The following RIMS4 variants were observed in gnomAD, a reference collection of about 807,000 sequenced individuals.
The protein encoded by RIMS4 is regulating synaptic membrane exocytosis 4.
In RIMS4, 9 loss-of-function variants were observed where a neutral mutation model predicts 29.0. The observed-to-expected ratio is 0.31, with a 90% CI of 0.19 to 0.54. RIMS4 has a LOEUF of 0.54. RIMS4 is among the 20% of genes least tolerant of loss of function. The pLI is 0.94. For synonymous variants in RIMS4, 130 were observed against 152.9 expected, an observed-to-expected ratio of 0.85 and a Z score of 1.10; for missense variants, 193 against 365.7, an observed-to-expected ratio of 0.53 and a Z score of 3.85.
chr20:44,768,279 A>T (rs910531733), intron 2 of RIMS4, among the ~76,000 whole-genome samples: 3 of 152,204 alleles, frequency 2.0e-5, no homozygotes, highest in African/African-American at 7.2e-5. Flanking sequence ...TAAGTGCTCA[A>T]TCACATCTGC....
At chr20:44,760,900 A>G (rs2066081771) in intron 2 of RIMS4, among the ~76,000 whole-genome samples, 8 of 152,172 alleles carry the variant, frequency 5.3e-5, no homozygotes, top group Admixed American at 5.2e-4. Context: ...TTAGTAATAA[A>G]TAAGTAGAGA....
At chr20:44,789,291 T>A (rs2066222370) in intron 1 of RIMS4, among the ~76,000 whole-genome samples, 1 of 152,120 alleles carries the variant, frequency 6.6e-6, no homozygotes, top group Admixed American at 6.5e-5. Flanking sequence ...GTATGAGAAT[T>A]TCTTTTTATT....
chr20:44,782,196 T>G (rs1410977556), intron 1 of RIMS4, among the ~76,000 whole-genome samples: 1 of 152,224 alleles, frequency 6.6e-6, no homozygotes, highest in Non-Finnish European at 1.5e-5. Flanking sequence ...AAGCTCTTAT[T>G]AGGTTATGCT....
chr20:44,777,482 C>G (rs2066165174), intron 1 of RIMS4, among the ~76,000 whole-genome samples: 1 of 152,086 alleles, frequency 6.6e-6, no homozygotes, highest in Non-Finnish European at 1.5e-5. Context: ...TTAACCCCAC[C>G]ATAACACTGA....
Position 44,756,408 on chromosome 20 carries a change from G to C in RIMS4, c.592-56C>G. 9 of 1,498,110 alleles carry C rather than the reference G, an allele frequency of 6.0e-6. No individual in the cohort carries two copies. Among genetic ancestry groups the C allele is most frequent in the Non-Finnish European group, 8.3e-6 (9 of 1,089,716 alleles). The allele number at this position is 1,498,110 out of a possible 1,614,324, so 92.8% of individuals were successfully genotyped here. ...CCTGCCAGTGCCACTCACAGGCCCA[G>C]AAGCAGAACCTGGGTCGCCCCATGC... On this transcript the variant is annotated intron_variant, in intron 5 of 5. Coordinates refer to ENST00000372851, the MANE Select transcript of RIMS4 (RefSeq NM_182970.4). The surrounding 1 kb of genome is among the most constrained non-coding windows in gnomAD (Gnocchi z 5.9).
At position 44,753,593 on chromosome 20, in the gene RIMS4, A is replaced by C. The variant is rs1181586069; in HGVS notation, c.*2541T>G. ...CTCTTCAAACAGTGCAGCCTGAGTC[A>C]GCAAGGGGCCAGGCAGTAGCGGGGA... On this transcript the variant is annotated 3_prime_UTR_variant, in exon 6 of 6. Transcript: ENST00000372851. The C allele has an allele frequency of 2.0e-5, 3 of 152,398 alleles. No homozygotes were observed. Among genetic ancestry groups the C allele is most frequent in the African/African-American group, 7.2e-5 (3 of 41,430 alleles). 9.4% of individuals were successfully genotyped at this position (152,398 alleles called of 1,614,324 possible). A position where few individuals can be genotyped will look rare whatever the true frequency, so the allele number is the denominator to read the frequency against.
In RIMS4 at chr20:44,757,789, A is replaced by G; in HGVS notation, c.350-18T>C. 6.3e-7 allele frequency: 1 copy of G among 1,599,030 alleles called. No individual in the cohort carries two copies. The highest frequency in any genetic ancestry group is 8.6e-7 in the Non-Finnish European group (1 of 1,166,718). On this transcript the variant is annotated intron_variant, in intron 3 of 5. Coordinates refer to ENST00000372851, the MANE Select transcript of RIMS4 (RefSeq NM_182970.4). ...CACATCCCCTGGAAGAGGCACCAAG[A>G]GATGAGACTGGGAAATGGTTCAGAA... is the stretch of plus-strand genomic sequence containing the variant.
chr20:44,796,739 G>C (rs908270028), intron 1 of RIMS4, among the ~76,000 whole-genome samples: 1 of 152,340 alleles, frequency 6.6e-6, no homozygotes, highest in Middle Eastern at 3.4e-3. Flanking sequence ...GCCTAAGTGA[G>C]GCATGGAGGG....
intron 2 of RIMS4, 33 bp downstream of exon 2, chr20:44,771,242 A>G: frequency 6.3e-7 from 1 of 1,589,072 alleles, no homozygotes; most frequent in Non-Finnish European, 8.6e-7. Flanking sequence ...AAAAGACTGC[A>G]AGAACCAGGA....
chr20:44,810,077 A>G (rs1245446826), intron 1 of RIMS4, 98 bp downstream of exon 1: 14 of 413,840 alleles, frequency 3.4e-5, no homozygotes, highest in Non-Finnish European at 5.9e-5. Context: ...TTCCCAGGGG[A>G]TTGGGGGTGG....
intron 1 of RIMS4, among the ~76,000 whole-genome samples, chr20:44,803,404 CTTCCAGTCT>C (rs2066284897): frequency 6.6e-6 from 1 of 152,202 alleles, no homozygotes; most frequent in Non-Finnish European, 1.5e-5. Flanking sequence ...CCTTCCAAGA[CTTCCAGTCT>C]TGGAAAGCCA....
chr20:44,781,679 G>C (rs2066185400), intron 1 of RIMS4, among the ~76,000 whole-genome samples: 1 of 152,152 alleles, frequency 6.6e-6, no homozygotes, highest in South Asian at 2.1e-4. Flanking sequence ...AGCCAATGTG[G>C]AAAGACTTTC....
chr20:44,808,032 C>T (rs938565027), intron 1 of RIMS4, among the ~76,000 whole-genome samples: 1 of 151,992 alleles, frequency 6.6e-6, no homozygotes, highest in Non-Finnish European at 1.5e-5. Context: ...ATTTTAGTCT[C>T]AGCTCTGTGG....
At chr20:44,772,868 C>CCG (rs1322602116) in intron 1 of RIMS4, among the ~76,000 whole-genome samples, 1 of 152,156 alleles carries the variant, frequency 6.6e-6, no homozygotes, top group Non-Finnish European at 1.5e-5. Context: ...AGGACAGCTC[C>CCG]CGCCGGCCTT....
At chr20:44,800,788 C>T (rs139424192) in intron 1 of RIMS4, among the ~76,000 whole-genome samples, 149 of 152,238 alleles carry the variant, frequency 9.8e-4, no homozygotes, top group Non-Finnish European at 1.7e-3. Context: ...GTGTAGGAGA[C>T]ACTGAGACTC....
Position 44,754,704 on chromosome 20 carries a change from T to G in RIMS4, c.*1430A>C, listed in dbSNP as rs2145440135. 6.5e-6 allele frequency: 1 copy of G among 152,878 alleles called. No individual in the cohort carries two copies. Among genetic ancestry groups the G allele is most frequent in the Middle Eastern group, 3.4e-3 (1 of 298 alleles). 9.5% of individuals were successfully genotyped at this position (152,878 alleles called of 1,614,324 possible). On this transcript the variant is annotated 3_prime_UTR_variant, in exon 6 of 6. Coordinates refer to ENST00000372851, the MANE Select transcript of RIMS4 (RefSeq NM_182970.4). ...GCGAGGAGACAGTGGTCTCCTGGAA[T>G]GTACTTGAGGCTCCTCTCCACCCCC...
intron 1 of RIMS4, among the ~76,000 whole-genome samples, chr20:44,777,600 G>A (rs754222640): frequency 1.2e-3 from 190 of 152,234 alleles, no homozygotes; most frequent in Middle Eastern, 3.4e-3. Flanking sequence ...TTGAAACCAG[G>A]TCTGTGTGAA....
chr20:44,763,306 C>A (rs931652861), intron 2 of RIMS4, among the ~76,000 whole-genome samples: 2 of 152,166 alleles, frequency 1.3e-5, no homozygotes, highest in Non-Finnish European at 2.9e-5. Flanking sequence ...AATTACCTTG[C>A]CGAGTTGTTG....
intron 1 of RIMS4, among the ~76,000 whole-genome samples, chr20:44,785,887 G>A (rs1252075949): frequency 6.6e-6 from 1 of 151,880 alleles, no homozygotes; most frequent in African/African-American, 2.4e-5. Flanking sequence ...TCCCAGGAAA[G>A]GGGGCCTTGA....
Sources: gnomAD v4.1 joint callset for allele counts (sites outside exome capture counted in the v4.1 genomes callset) on GRCh38, gnomAD v4.1.1 for gene constraint, Gnocchi (gnomAD v3.1) non-coding constraint, MANE v1.5 for transcripts, NCBI Gene and HGNC (gene_info 2026-07-23, HGNC 2026-07-21) for gene names.